CIT: variants seen among roughly 807,000 people sequenced by gnomAD.
The protein encoded by CIT is citron rho-interacting serine/threonine kinase.
In CIT, 79 loss-of-function variants were observed where a neutral mutation model predicts 272.7. The ratio of observed to expected loss-of-function variants is 0.29; its 90% CI spans 0.24 to 0.35. CIT has a LOEUF of 0.35. CIT is among the 10% of genes least tolerant of loss of function. The probability of loss-of-function intolerance (pLI) is 1.00; values close to 1 mark genes in which losing one functional copy is unlikely to be tolerated. For missense variants in CIT, 1,909 were observed against 2,618.3 expected (o/e 0.73, Z 5.91); for synonymous variants, 948 against 995.6 (o/e 0.95, Z 0.90).
chr12:119,810,072 T>G (rs933716699), intron 9 of CIT, among the ~76,000 whole-genome samples: 3 of 152,184 alleles, frequency 2.0e-5, no homozygotes, highest in Admixed American at 6.5e-5. Context: ...TGTGAGCAGC[T>G]CTAGCCAATT....
intron 26 of CIT, among the ~76,000 whole-genome samples, chr12:119,732,047 G>A (rs1302801053): frequency 6.6e-6 from 1 of 151,846 alleles, no homozygotes; most frequent in Non-Finnish European, 1.5e-5. Context: ...TGTTGGCCAG[G>A]CTGGTCTCAA....
In CIT at chr12:119,804,155, G is replaced by T; in HGVS notation, c.1112-766C>A. The T allele has an allele frequency of 3.0e-6, 3 of 985,430 alleles. No individual in the cohort carries two copies. The highest frequency in any genetic ancestry group is 3.6e-6 in the Non-Finnish European group (3 of 829,958). 61.0% of individuals were successfully genotyped at this position (985,430 alleles called of 1,614,324 possible). ...GGGAATGCACGGATGGACATATGCG[G>T]CTCCTACCTCCTCAGGGCTTCACTC... On this transcript the variant is annotated intron_variant, in intron 9 of 47. Transcript: ENST00000392521. This position sits in a 1 kb window ranked among gnomAD's most constrained non-coding sequence, Gnocchi z 5.3.
chr12:119,734,503 A>T lies in CIT; in HGVS notation c.3157-146T>A. Reference sequence around the variant, plus strand: ...TCTTTTGCTTCTGCAGCCCAAGGGGACCAGGCAAGAATGGATGAAGGGCCA... The same window carrying T: ...TCTTTTGCTTCTGCAGCCCAAGGGGTCCAGGCAAGAATGGATGAAGGGCCA... On this transcript the variant is annotated intron_variant, in intron 25 of 47. Transcript: ENST00000392521. 4 of 832,374 alleles carry T rather than the reference A, an allele frequency of 4.8e-6. No individual in the cohort carries two copies. The South Asian group carries it at 6.4e-5, about 13-fold the overall frequency. 51.6% of individuals were successfully genotyped at this position (832,374 alleles called of 1,614,324 possible).
intron 3 of CIT, among the ~76,000 whole-genome samples, chr12:119,867,229 C>T (rs1950541897): frequency 6.6e-6 from 1 of 152,054 alleles, no homozygotes; most frequent in Non-Finnish European, 1.5e-5. Context: ...TCACTCATTG[C>T]CCAAGCTGGA....
intron 22 of CIT, among the ~76,000 whole-genome samples, chr12:119,756,011 T>G (rs76349396): frequency 0.014 from 2,165 of 152,262 alleles, 42 homozygotes; most frequent in African/African-American, 0.049. Context: ...CTGCTCCCAT[T>G]TGACAGATGC....
intron 7 of CIT, among the ~76,000 whole-genome samples, chr12:119,829,959 G>A (rs925840300): frequency 2.6e-5 from 4 of 151,830 alleles, no homozygotes; most frequent in Non-Finnish European, 5.9e-5. Flanking sequence ...AGTAAATGTG[G>A]ATTATATTTT....
intron 9 of CIT, among the ~76,000 whole-genome samples, chr12:119,810,061 C>A (rs1049388068): frequency 6.6e-6 from 1 of 152,224 alleles, no homozygotes; most frequent in African/African-American, 2.4e-5. Context: ...TTCCCAAGTT[C>A]TGTGAGCAGC....
intron 13 of CIT, 65 bp from the exon 14 acceptor site, chr12:119,776,907 G>C: frequency 6.6e-7 from 1 of 1,522,490 alleles, no homozygotes; most frequent in Non-Finnish European, 9.0e-7. Context: ...CAGGCAGTGA[G>C]GATGGAAGAG....
chr12:119,708,653 T>C (rs1332353598), intron 39 of CIT, among the ~76,000 whole-genome samples: 2 of 151,082 alleles, frequency 1.3e-5, no homozygotes, highest in East Asian at 1.9e-4. Context: ...GCCTGGCTAA[T>C]TTTTTTTTGT....
chr12:119,815,821 GAC>G (rs1035409368), intron 9 of CIT, among the ~76,000 whole-genome samples: 3 of 152,142 alleles, frequency 2.0e-5, no homozygotes, highest in African/African-American at 7.2e-5. Flanking sequence ...ATGAGAAACT[GAC>G]AATAGTGGTT....
chr12:119,690,402 C>A lies in CIT; in HGVS notation c.5935G>T (p.Val1979Leu). The change falls in exon 47 of 48, where the codon GTG becomes TTG. Residue 1979 changes from valine (V) to leucine (L), a missense_variant. Val to Leu is a conservative substitution (Grantham distance 32, BLOSUM62 1). This residue lies in a region of CIT where 780 missense variants were observed against 1,067.2 expected (regional missense o/e 0.73). Coordinates refer to ENST00000392521, the MANE Select transcript of CIT (RefSeq NM_001206999.2). This position sits in a 1 kb window ranked among gnomAD's most constrained non-coding sequence, Gnocchi z 6.0. ...PTYNEHITKR[V>L]ASSPAPPEGP... ...TCGGGCGGCGCTGGGCTGGAGGCCA[C>A]GCGCTTGGTGATGTGCTCGTTGTAC... The A allele has an allele frequency of 6.3e-7, 1 of 1,596,080 alleles. No individual in the cohort carries two copies. The highest frequency in any genetic ancestry group is 8.5e-7 in the Non-Finnish European group (1 of 1,177,234).
chr12:119,734,034 G>C (rs1453968392), intron 26 of CIT, 130 bp downstream of exon 26: 4 of 963,322 alleles, frequency 4.2e-6, no homozygotes, highest in Non-Finnish European at 6.1e-6. Flanking sequence ...CTGGTTTTTA[G>C]CACCAGGAGG....
At position 119,713,200 on chromosome 12, in the gene CIT, T is replaced by C. The variant is rs1242616332; in HGVS notation, c.4579+3A>G. 1.9e-6 allele frequency: 3 copies of C among 1,612,014 alleles called. No homozygotes were observed. The highest frequency in any genetic ancestry group is 1.1e-5 in the South Asian group (1 of 90,948). ...TGACCTTCCCCCTGAATTATTAATT[T>C]ACCTTCTCTGGCTTCATTGTCATAA... On this transcript the variant is annotated splice_donor_region_variant and intron_variant, in intron 35 of 47. Coordinates refer to ENST00000392521, the MANE Select transcript of CIT (RefSeq NM_001206999.2). The surrounding 1 kb of genome is among the most constrained non-coding windows in gnomAD (Gnocchi z 5.2).
At chr12:119,730,733 C>A in intron 26 of CIT, 103 bp from the exon 27 acceptor site, 1 of 1,285,676 alleles carries the variant, frequency 7.8e-7, no homozygotes, top group Non-Finnish European at 1.1e-6. Flanking sequence ...AAACAGGCTG[C>A]AGGCCAGAAA....
rs772948268 is a variant in CIT at position 119,713,725 on chromosome 12, C to A, written c.4307-77G>T. ...CTTCCCTTCCTCTGCCAGCCAACGC[C>A]TGGGCTTCTCTACCCCAGCCGGGCC... On this transcript the variant is annotated intron_variant, in intron 33 of 47. Transcript: ENST00000392521. This position sits in a 1 kb window ranked among gnomAD's most constrained non-coding sequence, Gnocchi z 5.2. 1 of 1,490,488 alleles carries A rather than the reference C, an allele frequency of 6.7e-7. No homozygotes were observed. The highest frequency in any genetic ancestry group is 1.1e-5 in the South Asian group (1 of 87,288). 92.3% of individuals were successfully genotyped at this position (1,490,488 alleles called of 1,614,324 possible).
Position 119,710,606 on chromosome 12 carries a change from G to T in CIT, c.4869C>A (p.Asn1623Lys). Residue 1623 changes from asparagine (N) to lysine (K), a missense_variant, in exon 38 of 48, where the codon AAC (asparagine) becomes AAA (lysine). By Grantham distance (94) the Asn-to-Lys change is moderately conservative. Around this residue, in one of 8 missense-constraint regions of CIT, gnomAD observed 780 missense variants for 1,067.2 expected, o/e 0.73. Transcript: ENST00000392521. The surrounding 1 kb of genome is among the most constrained non-coding windows in gnomAD (Gnocchi z 5.6). ...CATCACCTTCCAGTTTCAGCAGGGA[G>T]TTTCCAAGCAGTTTCTTTTCATAGG... ...KAEADAKLLG[N>K]SLLKLEGDDR... 6.2e-7 allele frequency: 1 copy of T among 1,614,182 alleles called. No individual in the cohort carries two copies. Among genetic ancestry groups the T allele is most frequent in the East Asian group, 2.2e-5 (1 of 44,880 alleles).
At chr12:119,873,205 C>T (rs1176712337) in intron 2 of CIT, among the ~76,000 whole-genome samples, 1 of 151,974 alleles carries the variant, frequency 6.6e-6, no homozygotes, top group African/African-American at 2.4e-5. Flanking sequence ...ACATTGGAAG[C>T]CATAACTATT....
Position 119,808,988 on chromosome 12 carries a change from T to C in CIT, c.1112-5599A>G, listed in dbSNP as rs150706663. 2.2e-3 allele frequency among the ~76,000 whole-genome samples: 341 copies of C among 152,334 alleles called. 1 individual carries two copies. The highest frequency in any genetic ancestry group is 7.5e-3 in the African/African-American group (313 of 41,568). On this transcript the variant is annotated intron_variant, in intron 9 of 47. Transcript: ENST00000392521. ...AGCAGAGAATACATAAACTGGCTGA[T>C]GGCAAGTTTTGCCAGTGGGGAATGC...
In CIT at chr12:119,718,227, C is replaced by T. The variant is rs772589556; in HGVS notation, c.4168+18G>A. The T allele has an allele frequency of 3.1e-6, 5 of 1,589,766 alleles. No individual in the cohort carries two copies. The highest frequency in any genetic ancestry group is 2.2e-5 in the East Asian group (1 of 44,480). On this transcript the variant is annotated intron_variant, in intron 32 of 47. Transcript: ENST00000392521. This position sits in a 1 kb window ranked among gnomAD's most constrained non-coding sequence, Gnocchi z 4.8. Reference sequence around the variant, plus strand: ...GTCTTAGTCGACTAAAAGAAATTTCCATACAACTCCAACGTACCCTCTGGA... The same window carrying T: ...GTCTTAGTCGACTAAAAGAAATTTCTATACAACTCCAACGTACCCTCTGGA...
Sources: gnomAD v4.1 joint callset for allele counts (sites outside exome capture counted in the v4.1 genomes callset) on GRCh38, gnomAD v4.1.1 for gene constraint, gnomAD v4.1.1 regional missense constraint, Gnocchi (gnomAD v3.1) non-coding constraint, MANE v1.5 for transcripts, NCBI Gene and HGNC (gene_info 2026-07-23, HGNC 2026-07-21) for gene names.